PIK3CG: variants seen among roughly 807,000 people sequenced by gnomAD.
PIK3CG encodes the protein phosphatidylinositol-4,5-bisphosphate 3-kinase catalytic subunit gamma.
Under a neutral mutation model 102.3 loss-of-function variants are expected in PIK3CG, and 55 were observed. The observed-to-expected ratio is 0.54, with a 90% CI of 0.43 to 0.67. The LOEUF (loss-of-function observed/expected upper bound fraction) is 0.67, where lower values mean the gene tolerates loss of function less well. Among genes scored for constraint, PIK3CG ranks in the 30% least tolerant of loss-of-function variants. The pLI, the probability that PIK3CG is intolerant of heterozygous loss-of-function variation, is 0.00. For synonymous variants in PIK3CG, 552 were observed against 540.0 expected (o/e 1.02, Z -0.31); for missense variants, 1,258 against 1,391.8 (o/e 0.90, Z 1.53).
chr7:106,902,001 C>T lies in PIK3CG; in HGVS notation c.3031-3108C>T, dbSNP rs1791569941. 6.6e-6 allele frequency among the ~76,000 whole-genome samples: 1 copy of T among 152,166 alleles called. No homozygotes were observed. Among genetic ancestry groups the T allele is most frequent in the Admixed American group, 6.5e-5 (1 of 15,276 alleles). On this transcript the variant is annotated intron_variant, in intron 10 of 10. Transcript: ENST00000496166. This position sits in a 1 kb window ranked among gnomAD's most constrained non-coding sequence, Gnocchi z 4.3. ...TGTGGGTTTCTCTCCCCCTTGAGTG[C>T]TGTCTGTAGATCATGACTTGGCACT...
chr7:106,878,779 A>G (rs1790845682), intron 5 of PIK3CG, among the ~76,000 whole-genome samples: 1 of 152,234 alleles, frequency 6.6e-6, no homozygotes. Flanking sequence ...AACTGGCCCT[A>G]TAGTAAAAGC....
Position 106,905,825 on chromosome 7 carries a change from T to C in PIK3CG, c.*438T>C. 4.0e-6 allele frequency: 1 copy of C among 249,322 alleles called. No individual in the cohort carries two copies. The allele number at this position is 249,322 out of a possible 1,614,324, so 15.4% of individuals were successfully genotyped here. A position where few individuals can be genotyped will look rare whatever the true frequency, so the allele number is the denominator to read the frequency against. ...GAAAAAGATGTAATCGTTGTAACCT[T>C]TGTCTCATTCCTTAAATGATGCTTC... is the stretch of plus-strand genomic sequence containing the variant. On this transcript the variant is annotated 3_prime_UTR_variant, in exon 11 of 11. Transcript: ENST00000496166. This position sits in a 1 kb window ranked among gnomAD's most constrained non-coding sequence, Gnocchi z 5.6.
chr7:106,889,959 A>G (rs1005010914), intron 10 of PIK3CG, among the ~76,000 whole-genome samples: 1 of 152,238 alleles, frequency 6.6e-6, no homozygotes, highest in Non-Finnish European at 1.5e-5. Flanking sequence ...ACACATTTCA[A>G]TGGTGACAAT....
chr7:106,905,376 C>T lies in PIK3CG; in HGVS notation c.3298C>T (p.His1100Tyr). Residue 1100 changes from histidine to tyrosine, a missense_variant, in exon 11 of 11, where the codon CAT becomes TAT. Physicochemically the swap from His to Tyr is moderately conservative, Grantham distance 83. Around this residue, in one of 2 missense-constraint regions of PIK3CG, gnomAD observed 426 missense variants for 604.2 expected, o/e 0.71. Transcript: ENST00000496166. This position sits in a 1 kb window ranked among gnomAD's most constrained non-coding sequence, Gnocchi z 5.6. ...LVLGIKQGEK[H>Y]SA Reference sequence around the variant, plus strand: ...TCTTGGCATCAAACAAGGAGAGAAACATTCAGCCTAATACTTTAGGCTAGA... The same window carrying T: ...TCTTGGCATCAAACAAGGAGAGAAATATTCAGCCTAATACTTTAGGCTAGA... 1 of 1,613,510 alleles carries T rather than the reference C, an allele frequency of 6.2e-7. No individual in the cohort carries two copies. The highest frequency in any genetic ancestry group is 1.7e-5 in the Admixed American group (1 of 59,966).
Position 106,907,566 on chromosome 7 carries a change from C to A in PIK3CG, c.*2179C>A, listed in dbSNP as rs1440212039. Among the ~76,000 whole-genome samples the A allele has an allele frequency of 6.6e-6, 1 of 151,760 alleles. No homozygotes were observed. The highest frequency in any genetic ancestry group is 2.4e-5 in the African/African-American group (1 of 41,312). The stretch of plus-strand genomic sequence containing the variant: ...TTTCACTATTCTGATAAACAATAGC[C>A]AAGTTCAGACCTTGTACAGATTCTT... On this transcript the variant is annotated 3_prime_UTR_variant, in exon 11 of 11. Transcript: ENST00000496166.
In PIK3CG at chr7:106,868,109, C is replaced by T. The variant is rs755975307; in HGVS notation, c.548C>T (p.Pro183Leu). ...TTCACGCGCCGTGGCTTGGTGACCC[C>T]GCGCATGGCGGAGGTGGCCAGCCGC... The part of the protein sequence containing the change: ...LEFTRRGLVT[P>L]RMAEVASRDP... Residue 183 changes from proline (P) to leucine (L), a missense_variant, in exon 2 of 11, where the codon CCG becomes CTG. Physicochemically the swap from Pro to Leu is moderately conservative, Grantham distance 98. This residue lies in a region of PIK3CG where 832 missense variants were observed against 787.5 expected (regional missense o/e 1.06). Transcript: ENST00000496166. This position sits in a 1 kb window ranked among gnomAD's most constrained non-coding sequence, Gnocchi z 6.2. 1.9e-6 allele frequency: 3 copies of T among 1,612,990 alleles called. No individual in the cohort carries two copies. Among genetic ancestry groups the T allele is most frequent in the Admixed American group, 1.7e-5 (1 of 60,006 alleles).
intron 7 of PIK3CG, 125 bp from the exon 8 acceptor site, chr7:106,882,908 C>G (rs1055807461): frequency 5.3e-6 from 4 of 759,480 alleles, no homozygotes; most frequent in African/African-American, 1.9e-5. Context: ...TGGAAAATAG[C>G]TCTCTGGTCA....
rs184019391 is a variant in PIK3CG, at chr7:106,866,213, G to A, written c.-13+787G>A. 3.3e-5 allele frequency among the ~76,000 whole-genome samples: 5 copies of A among 152,308 alleles called. No homozygotes were observed. The East Asian group carries it at 9.6e-4, about 29-fold the overall frequency. ...TTTAAGTCTAACATTAGTTATTTAAGAGAGTAAACGATATTTTCTGAAACA... is the reference window on the plus strand; with the variant it reads ...TTTAAGTCTAACATTAGTTATTTAAAAGAGTAAACGATATTTTCTGAAACA... On this transcript the variant is annotated intron_variant, in intron 1 of 10. Transcript: ENST00000496166.
chr7:106,908,087 C>G lies in PIK3CG; in HGVS notation c.*2700C>G, dbSNP rs566177682. Among the ~76,000 whole-genome samples, 1 of 152,250 alleles carries G rather than the reference C, an allele frequency of 6.6e-6. No individual in the cohort carries two copies. The highest frequency in any genetic ancestry group is 2.1e-4 in the South Asian group (1 of 4,828). On this transcript the variant is annotated 3_prime_UTR_variant, in exon 11 of 11. Transcript: ENST00000496166. The surrounding 1 kb of genome is among the most constrained non-coding windows in gnomAD (Gnocchi z 4.1). The stretch of plus-strand genomic sequence containing the variant: ...CCAGGTGAAAACACAGATCACAAGT[C>G]AGATGAATCAGGCCAAAGCAACTTT...
At position 106,907,808 on chromosome 7, in the gene PIK3CG, A is replaced by C. The variant is rs1358468339; in HGVS notation, c.*2421A>C. Among the ~76,000 whole-genome samples the C allele has an allele frequency of 7.0e-6, 1 of 142,936 alleles. No individual in the cohort carries two copies. Among genetic ancestry groups the C allele is most frequent in the Non-Finnish European group, 1.5e-5 (1 of 65,488 alleles). The allele number at this position is 142,936 out of a possible 152,430, so 93.8% of individuals were successfully genotyped here. Reference sequence around the variant, plus strand: ...TATATATATCACACATATATATCACAGTTTTATATATATATATGTATGTGT... The same window carrying C: ...TATATATATCACACATATATATCACCGTTTTATATATATATATGTATGTGT... On this transcript the variant is annotated 3_prime_UTR_variant, in exon 11 of 11. Coordinates refer to ENST00000496166, the MANE Select transcript of PIK3CG (RefSeq NM_001282426.2).
rs1791652601 is a variant in PIK3CG, at chr7:106,905,047, T to C, written c.3031-62T>C. On this transcript the variant is annotated intron_variant, in intron 10 of 10. Coordinates refer to ENST00000496166, the MANE Select transcript of PIK3CG (RefSeq NM_001282426.2). The surrounding 1 kb of genome is among the most constrained non-coding windows in gnomAD (Gnocchi z 5.6). ...TGTACATTTCAGTACATCCCTGTAA[T>C]CTTCAGCCTACTTGTTAGTTACCAT... 1.4e-6 allele frequency: 2 copies of C among 1,432,278 alleles called. No homozygotes were observed. Among genetic ancestry groups the C allele is most frequent in the African/African-American group, 2.8e-5 (2 of 71,206 alleles). 88.7% of individuals were successfully genotyped at this position (1,432,278 alleles called of 1,614,324 possible).
rs2116447225 is a variant in PIK3CG at position 106,868,691 on chromosome 7, C to T, written c.1130C>T (p.Thr377Ile). ...GATATCCCCGTCCTGCCTCGGAACA[C>T]CGACCTCACAGTTTTTGTAGAGGCA... ...GIDIPVLPRN[T>I]DLTVFVEANI... The change falls in exon 2 of 11, where the codon ACC becomes ATC. Residue 377 changes from threonine to isoleucine, a missense_variant. Around this residue, in one of 2 missense-constraint regions of PIK3CG, gnomAD observed 832 missense variants for 787.5 expected, o/e 1.06. Coordinates refer to ENST00000496166, the MANE Select transcript of PIK3CG (RefSeq NM_001282426.2). The surrounding 1 kb of genome is among the most constrained non-coding windows in gnomAD (Gnocchi z 6.2). 6.2e-7 allele frequency: 1 copy of T among 1,614,242 alleles called. No homozygotes were observed. The highest frequency in any genetic ancestry group is 1.6e-4 in the Middle Eastern group (1 of 6,062).
At position 106,868,683 on chromosome 7, in the gene PIK3CG, T is replaced by G. The variant is rs940492885; in HGVS notation, c.1122T>G (p.Pro374=). The G allele has an allele frequency of 1.9e-6, 3 of 1,614,016 alleles. No individual in the cohort carries two copies. The African/African-American group carries it at 4.0e-5, about 22-fold the overall frequency. ...KIRGIDIPVL[P]RNTDLTVFVE... ...GAGGCATTGATATCCCCGTCCTGCC[T>G]CGGAACACCGACCTCACAGTTTTTG... Residue 374 remains proline (P), a synonymous_variant, in exon 2 of 11, where the codon CCT becomes CCG. Coordinates refer to ENST00000496166, the MANE Select transcript of PIK3CG (RefSeq NM_001282426.2). This position sits in a 1 kb window ranked among gnomAD's most constrained non-coding sequence, Gnocchi z 6.2.
chr7:106,895,968 C>G lies in PIK3CG; in HGVS notation c.3031-9141C>G, dbSNP rs572195303. Among the ~76,000 whole-genome samples the G allele has an allele frequency of 6.6e-6, 1 of 152,220 alleles. No homozygotes were observed. The highest frequency in any genetic ancestry group is 1.5e-5 in the Non-Finnish European group (1 of 68,038). On this transcript the variant is annotated intron_variant, in intron 10 of 10. Transcript: ENST00000496166. This position sits in a 1 kb window ranked among gnomAD's most constrained non-coding sequence, Gnocchi z 5.4. ...AAGGCTGATTAAAGCTGCACCAAGT[C>G]TCTAAGTGTGTACAGCCCATCAGAA...
intron 10 of PIK3CG, among the ~76,000 whole-genome samples, chr7:106,888,835 C>T (rs190927407): frequency 7.2e-5 from 11 of 152,242 alleles, no homozygotes; most frequent in South Asian, 4.2e-4. Context: ...GCTGGACCTG[C>T]GACTTAATAA....
At chr7:106,898,281 C>CT (rs1329461251) in intron 10 of PIK3CG, among the ~76,000 whole-genome samples, 1 of 152,128 alleles carries the variant, frequency 6.6e-6, no homozygotes, top group African/African-American at 2.4e-5. Flanking sequence ...GATATTAGAC[C>CT]TTTGTCAGAT....
Position 106,877,280 on chromosome 7 carries a change from G to A in PIK3CG, c.2392-2239G>A, listed in dbSNP as rs1246782137. Among the ~76,000 whole-genome samples, 1 of 152,206 alleles carries A rather than the reference G, an allele frequency of 6.6e-6. No individual in the cohort carries two copies. Among genetic ancestry groups the A allele is most frequent in the East Asian group, 1.9e-4 (1 of 5,190 alleles). Reference sequence around the variant, plus strand: ...TGTCTGCCAAGGGACATTTGGCAATGTCTGAAGACATTGTTGATGGTTATA... The same window carrying A: ...TGTCTGCCAAGGGACATTTGGCAATATCTGAAGACATTGTTGATGGTTATA... On this transcript the variant is annotated intron_variant, in intron 5 of 10. Coordinates refer to ENST00000496166, the MANE Select transcript of PIK3CG (RefSeq NM_001282426.2). This position sits in a 1 kb window ranked among gnomAD's most constrained non-coding sequence, Gnocchi z 4.5.
At chr7:106,904,985 G>A in intron 10 of PIK3CG, 124 bp from the exon 11 acceptor site, 1 of 798,950 alleles carries the variant, frequency 1.3e-6, no homozygotes, top group Non-Finnish European at 2.0e-6. Context: ...CTGAGGCAGG[G>A]ACCTTGATGG....
In PIK3CG at chr7:106,892,741, G is replaced by C. The variant is rs1405888664; in HGVS notation, c.3030+6449G>C. 6.6e-6 allele frequency among the ~76,000 whole-genome samples: 1 copy of C among 152,158 alleles called. No homozygotes were observed. The highest frequency in any genetic ancestry group is 1.5e-5 in the Non-Finnish European group (1 of 68,020). On this transcript the variant is annotated intron_variant, in intron 10 of 10. Coordinates refer to ENST00000496166, the MANE Select transcript of PIK3CG (RefSeq NM_001282426.2). The surrounding 1 kb of genome is among the most constrained non-coding windows in gnomAD (Gnocchi z 5.2). Reference sequence around the variant, plus strand: ...GTTTGCAGAGGGAGCAATTAATCCTGCCCTAGAGGATAGAAAAGGGCTATT... The same window carrying C: ...GTTTGCAGAGGGAGCAATTAATCCTCCCCTAGAGGATAGAAAAGGGCTATT...
Sources: gnomAD v4.1 joint callset for allele counts (sites outside exome capture counted in the v4.1 genomes callset) on GRCh38, gnomAD v4.1.1 for gene constraint, gnomAD v4.1.1 regional missense constraint, Gnocchi (gnomAD v3.1) non-coding constraint, MANE v1.5 for transcripts, NCBI Gene and HGNC (gene_info 2026-07-23, HGNC 2026-07-21) for gene names.